SCUBE1: variants seen among roughly 807,000 people sequenced by gnomAD.
SCUBE1 encodes signal peptide, CUB and EGF-like domain-containing protein 1.
Under a neutral mutation model 124.4 loss-of-function variants are expected in SCUBE1, and 59 were observed. That is an observed-to-expected ratio of 0.47 (90% CI 0.38 to 0.59). The LOEUF is 0.59. Ranked by LOEUF, SCUBE1 falls within the 20% of genes least tolerant of loss-of-function variation. The pLI, the probability that SCUBE1 is intolerant of heterozygous loss-of-function variation, is 0.00. For synonymous variants in SCUBE1, 545 were observed against 550.9 expected, an observed-to-expected ratio of 0.99 and a Z score of 0.15; for missense variants, 1,150 against 1,371.2, an observed-to-expected ratio of 0.84 and a Z score of 2.55.
intron 3 of SCUBE1, among the ~76,000 whole-genome samples, chr22:43,305,854 G>A (rs1005364169): frequency 1.3e-5 from 2 of 152,192 alleles, no homozygotes; most frequent in African/African-American, 2.4e-5. Flanking sequence ...CAAGCAGCTG[G>A]GCTGCTGCCA....
chr22:43,296,848 G>A (rs1390081414), intron 3 of SCUBE1, among the ~76,000 whole-genome samples: 1 of 152,240 alleles, frequency 6.6e-6, no homozygotes, highest in Non-Finnish European at 1.5e-5. Context: ...CCTTCAGCAG[G>A]TGGGGCTGGG....
At position 43,222,503 on chromosome 22, in the gene SCUBE1, C is replaced by A. The variant is rs1922132195; in HGVS notation, c.1432+135G>T. 1.5e-5 allele frequency: 10 copies of A among 687,534 alleles called. No individual in the cohort carries two copies. In the South Asian group the frequency reaches 1.7e-4, roughly 12 times the overall value. 42.6% of individuals were successfully genotyped at this position (687,534 alleles called of 1,614,324 possible). A position where few individuals can be genotyped will look rare whatever the true frequency, so the allele number is the denominator to read the frequency against. ...TCCTGGGCCTGGCTCATCGCCAGCA[C>A]CCCAGGCCACACGGAGCAGGGCCGA... is the stretch of plus-strand genomic sequence containing the variant. On this transcript the variant is annotated intron_variant, in intron 12 of 21. Coordinates refer to ENST00000360835, the MANE Select transcript of SCUBE1 (RefSeq NM_173050.5).
intron 3 of SCUBE1, among the ~76,000 whole-genome samples, chr22:43,319,689 G>C (rs1926476952): frequency 6.6e-6 from 1 of 151,986 alleles, no homozygotes; most frequent in African/African-American, 2.4e-5. Context: ...CCTGACAGAG[G>C]AGCGGGCCCT....
At chr22:43,279,164 C>T (rs1050588976) in intron 4 of SCUBE1, among the ~76,000 whole-genome samples, 3 of 152,142 alleles carry the variant, frequency 2.0e-5, no homozygotes, top group Admixed American at 2.0e-4. Context: ...TGGGGAGAAA[C>T]ACTAGGTCTC....
At chr22:43,330,523 G>A (rs6003157) in intron 2 of SCUBE1, among the ~76,000 whole-genome samples, 7,090 of 152,266 alleles carry the variant, frequency 0.047, 562 homozygotes, top group African/African-American at 0.16. Flanking sequence ...CCACAAGGCA[G>A]GTCAAAGGCA....
intron 3 of SCUBE1, among the ~76,000 whole-genome samples, chr22:43,299,253 G>T (rs1408103729): frequency 3.3e-5 from 5 of 152,160 alleles, no homozygotes; most frequent in African/African-American, 1.2e-4. Flanking sequence ...GACCACCACC[G>T]AGTGTGAGCA....
intron 2 of SCUBE1, among the ~76,000 whole-genome samples, chr22:43,337,966 T>C: frequency 6.6e-6 from 1 of 152,204 alleles, no homozygotes; most frequent in East Asian, 1.9e-4. Flanking sequence ...CATATCACTG[T>C]GAACATGGGA....
chr22:43,327,109 C>T (rs184678841), intron 2 of SCUBE1, among the ~76,000 whole-genome samples: 3 of 152,298 alleles, frequency 2.0e-5, no homozygotes, highest in East Asian at 3.9e-4. Context: ...ACAATCACGA[C>T]GGTGGCCTTG....
At chr22:43,288,459 G>A (rs932323390) in intron 4 of SCUBE1, among the ~76,000 whole-genome samples, 2 of 152,042 alleles carry the variant, frequency 1.3e-5, no homozygotes, top group South Asian at 2.1e-4. Flanking sequence ...AGCCCACCAG[G>A]CCCCATGTTG....
intron 3 of SCUBE1, among the ~76,000 whole-genome samples, chr22:43,310,354 G>T (rs1926126948): frequency 6.6e-6 from 1 of 152,154 alleles, no homozygotes; most frequent in African/African-American, 2.4e-5. Flanking sequence ...GACTTCTCAG[G>T]CTAGACTGTC....
At position 43,219,237 on chromosome 22, in the gene SCUBE1, A is replaced by G. The variant is rs927047123; in HGVS notation, c.1688-779T>C. ...CTTGCTGGCTCTACTAGTCGCCACG[A>G]GATGTGACTGGTGAAGACATAGGCA... On this transcript the variant is annotated intron_variant, in intron 14 of 21. Transcript: ENST00000360835. Among the ~76,000 whole-genome samples, 5 of 152,002 alleles carry G rather than the reference A, an allele frequency of 3.3e-5. No individual in the cohort carries two copies. The East Asian group carries it at 9.7e-4, about 29-fold the overall frequency.
intron 19 of SCUBE1, among the ~76,000 whole-genome samples, chr22:43,209,276 T>A (rs753284792): frequency 2.6e-4 from 40 of 152,058 alleles, no homozygotes; most frequent in Non-Finnish European, 5.0e-4. Flanking sequence ...CCAGCGTCTG[T>A]GGGTGTCTGG....
intron 3 of SCUBE1, among the ~76,000 whole-genome samples, chr22:43,306,931 C>T (rs1389778588): frequency 1.3e-5 from 2 of 152,212 alleles, no homozygotes; most frequent in Non-Finnish European, 2.9e-5. Flanking sequence ...GCGCTTCTAC[C>T]CAGCTCCAAG....
At chr22:43,339,381 GGT>G in intron 1 of SCUBE1, 146 bp from the exon 2 acceptor site, 2 of 742,474 alleles carry the variant, frequency 2.7e-6, no homozygotes, top group Non-Finnish European at 4.3e-6. Context: ...AGGACAATCT[GGT>G]GTGACAAGTG....
At chr22:43,262,967 T>TA in intron 4 of SCUBE1, 122 bp from the exon 5 acceptor site, 7 of 1,026,524 alleles carry the variant, frequency 6.8e-6, no homozygotes, top group South Asian at 1.5e-5. Flanking sequence ...ATTGCATGTA[T>TA]CATGCACACA....
At chr22:43,257,187 C>T (rs951439039) in intron 6 of SCUBE1, among the ~76,000 whole-genome samples, 1 of 152,244 alleles carries the variant, frequency 6.6e-6, no homozygotes, top group Non-Finnish European at 1.5e-5. Context: ...AAGGGAACAG[C>T]GTCCTGGGAG....
Position 43,255,567 on chromosome 22 carries a change from C to G in SCUBE1, c.727+2652G>C. ...TGAACTGAGAGCGCTCAATTGCAGC[C>G]TCATCCTTCTCTAAAACACAAGTAA... On this transcript the variant is annotated intron_variant, in intron 6 of 21. Coordinates refer to ENST00000360835, the MANE Select transcript of SCUBE1 (RefSeq NM_173050.5). The surrounding 1 kb of genome is among the most constrained non-coding windows in gnomAD (Gnocchi z 4.7). The G allele has an allele frequency of 6.4e-7, 1 of 1,550,478 alleles. No homozygotes were observed. Among genetic ancestry groups the G allele is most frequent in the Non-Finnish European group, 8.7e-7 (1 of 1,146,940 alleles).
chr22:43,276,853 G>A (rs1031987681), intron 4 of SCUBE1, among the ~76,000 whole-genome samples: 6 of 152,184 alleles, frequency 3.9e-5, no homozygotes, highest in Non-Finnish European at 8.8e-5. Context: ...TAGAACAGGC[G>A]TGCAGGCCAG....
intron 10 of SCUBE1, among the ~76,000 whole-genome samples, chr22:43,223,695 A>G (rs1922194719): frequency 6.6e-6 from 1 of 152,172 alleles, no homozygotes; most frequent in South Asian, 2.1e-4. Context: ...GAGGATGAAA[A>G]AGTCCCCCGG....
Sources: allele counts gnomAD v4.1 joint callset (sites outside exome capture counted in the v4.1 genomes callset), GRCh38; gene constraint gnomAD v4.1.1; non-coding constraint Gnocchi (gnomAD v3.1); transcripts MANE v1.5; gene names NCBI Gene and HGNC (gene_info 2026-07-23, HGNC 2026-07-21).